The following CFH variants were observed in gnomAD, a reference collection of about 807,000 sequenced individuals.
The protein encoded by CFH is complement factor H.
CFH carries 53 observed loss-of-function variants against 147.3 expected under a neutral mutation model. The ratio of observed to expected loss-of-function variants is 0.36; its 90% CI spans 0.29 to 0.45. The LOEUF (loss-of-function observed/expected upper bound fraction) is 0.45, where lower values mean the gene tolerates loss of function less well. Ranked by LOEUF, CFH falls within the 20% of genes least tolerant of loss-of-function variation. The pLI, the probability that CFH is intolerant of heterozygous loss-of-function variation, is 1.00. For synonymous variants in CFH, 536 were observed against 489.4 expected (o/e 1.10, Z -1.26); for missense variants, 1,380 against 1,498.0 (o/e 0.92, Z 1.30).
In CFH at chr1:196,660,976, A is replaced by AT. The variant is rs546611994; in HGVS notation, c.58+8807dup. 2.9e-3 allele frequency among the ~76,000 whole-genome samples: 446 copies of AT among 152,190 alleles called. 2 individuals are homozygous for AT. Among genetic ancestry groups the AT allele is most frequent in the African/African-American group, 0.01 (427 of 41,540 alleles). On this transcript the variant is annotated intron_variant, in intron 1 of 21. Coordinates refer to ENST00000367429, the MANE Select transcript of CFH (RefSeq NM_000186.4). ...TGTTAATGGATTACTTTACTTATTT[A>AT]TTTTTTCCAATAACCTGAACATCAT...
At chr1:196,709,999 A>T (rs151084999) in intron 9 of CFH, among the ~76,000 whole-genome samples, 1 of 151,300 alleles carries the variant, frequency 6.6e-6, no homozygotes, top group Non-Finnish European at 1.5e-5. Context: ...ACAGAGCAAG[A>T]TCATCTTGCT....
At chr1:196,740,968 A>G in intron 18 of CFH, 176 bp downstream of exon 18, 1 of 653,566 alleles carries the variant, frequency 1.5e-6, no homozygotes, top group Non-Finnish European at 2.7e-6. Flanking sequence ...TTATAAGCCA[A>G]ATTAGTTCAT....
intron 15 of CFH, among the ~76,000 whole-genome samples, chr1:196,729,256 C>T (rs1669225262): frequency 6.6e-6 from 1 of 151,946 alleles, no homozygotes; most frequent in Admixed American, 6.6e-5. Context: ...CTTAAAGAAG[C>T]AAATAATATA....
chr1:196,675,878 T>A, intron 3 of CFH, 111 bp from the exon 4 acceptor site: 1 of 676,264 alleles, frequency 1.5e-6, no homozygotes, highest in East Asian at 2.7e-5. Context: ...AAAATGCATA[T>A]GCTGTTCATT....
chr1:196,687,750 A>T (rs1462945353), intron 7 of CFH, among the ~76,000 whole-genome samples: 1 of 152,114 alleles, frequency 6.6e-6, no homozygotes, highest in South Asian at 2.1e-4. Context: ...CCAAATCTTT[A>T]AAAAGTGGTG....
intron 3 of CFH, among the ~76,000 whole-genome samples, chr1:196,674,554 C>G (rs1037221437): frequency 5.3e-5 from 8 of 151,736 alleles, no homozygotes; most frequent in Admixed American, 4.6e-4. Flanking sequence ...TATTTTATCC[C>G]CCTTATTCTC....
intron 15 of CFH, among the ~76,000 whole-genome samples, chr1:196,732,675 G>A (rs192854044): frequency 4.7e-4 from 71 of 152,006 alleles, no homozygotes; most frequent in African/African-American, 1.5e-3. Context: ...GTCTTTGTGC[G>A]GACTGCTGTC....
chr1:196,672,929 A>T (rs1272342891), intron 1 of CFH, 49 bp from the exon 2 acceptor site: 11 of 1,480,636 alleles, frequency 7.4e-6, no homozygotes, highest in Non-Finnish European at 1.0e-5. Flanking sequence ...AATATACTGT[A>T]CATTTAAATA....
chr1:196,661,115 C>T, intron 1 of CFH, among the ~76,000 whole-genome samples: 1 of 151,974 alleles, frequency 6.6e-6, no homozygotes, highest in East Asian at 1.9e-4. Flanking sequence ...AGTATTAGCA[C>T]CATCTAGTGG....
rs201789844 is a variant in CFH at position 196,688,227 on chromosome 1, G to GA, written c.965-1188dup. ...ATCCCATGAAAAGAGCAAATTTTCTGAAAAATATATAAACCTGTTAATATA... is the reference window on the plus strand; with the variant it reads ...ATCCCATGAAAAGAGCAAATTTTCTGAAAAAATATATAAACCTGTTAATATA... On this transcript the variant is annotated intron_variant, in intron 7 of 21. Coordinates refer to ENST00000367429, the MANE Select transcript of CFH (RefSeq NM_000186.4). 5.3e-4 allele frequency among the ~76,000 whole-genome samples: 80 copies of GA among 151,936 alleles called. 2 individuals carry two copies. In the East Asian group the frequency reaches 0.015, roughly 29 times the overall value.
chr1:196,728,148 C>T (rs1360589892), intron 14 of CFH, among the ~76,000 whole-genome samples, 198 bp from the exon 15 acceptor site: 1 of 151,930 alleles, frequency 6.6e-6, no homozygotes, highest in Non-Finnish European at 1.5e-5. Flanking sequence ...AACATTTCAG[C>T]GACAGAATAC....
intron 9 of CFH, among the ~76,000 whole-genome samples, chr1:196,697,191 A>G (rs1230840881): frequency 6.6e-6 from 1 of 152,226 alleles, no homozygotes; most frequent in Admixed American, 6.5e-5. Context: ...TGCACAGCAA[A>G]AGAAACTACC....
At chr1:196,694,219 T>C (rs556925774) in intron 9 of CFH, among the ~76,000 whole-genome samples, 2 of 152,168 alleles carry the variant, frequency 1.3e-5, no homozygotes, top group South Asian at 4.2e-4. Context: ...TGTGTTCTCA[T>C]TGATCAACTC....
Position 196,737,398 on chromosome 1 carries a change from G to A in CFH, c.2597-77G>A, listed in dbSNP as rs571348834. On this transcript the variant is annotated intron_variant, in intron 16 of 21. Coordinates refer to ENST00000367429, the MANE Select transcript of CFH (RefSeq NM_000186.4). ...TCAAATTATACTCACTTTAAAATCC[G>A]AAATAGTATTTAGTTTTATATTTCA... 59 of 1,051,030 alleles carry A rather than the reference G, an allele frequency of 5.6e-5. No individual in the cohort carries two copies. The East Asian group carries it at 6.0e-4, about 11-fold the overall frequency. 65.1% of individuals were successfully genotyped at this position (1,051,030 alleles called of 1,614,324 possible).
In CFH at chr1:196,689,583, A is replaced by G. The variant is rs1238670690; in HGVS notation, c.1128A>G (p.Gln376=). Reference sequence around the variant, plus strand: ...ACTGGGATCACATTCATTGCACACAAGATGGATGGTCGCCAGCAGTACCAT... The same window carrying G: ...ACTGGGATCACATTCATTGCACACAGGATGGATGGTCGCCAGCAGTACCAT... The part of the protein sequence containing the change: ...GSYWDHIHCT[Q]DGWSPAVPCL... The change falls in exon 8 of 22, where the codon CAA becomes CAG. Residue 376 remains glutamine (Q), a synonymous_variant. Transcript: ENST00000367429. 3 of 1,613,562 alleles carry G rather than the reference A, an allele frequency of 1.9e-6. No individual in the cohort carries two copies. Among genetic ancestry groups the G allele is most frequent in the African/African-American group, 2.7e-5 (2 of 74,990 alleles).
At chr1:196,653,415 A>G (rs1410526875) in intron 1 of CFH, among the ~76,000 whole-genome samples, 1 of 151,858 alleles carries the variant, frequency 6.6e-6, no homozygotes, top group African/African-American at 2.4e-5. Flanking sequence ...AATATTACCT[A>G]TTGTAAAAGA....
intron 3 of CFH, among the ~76,000 whole-genome samples, chr1:196,675,718 A>G (rs192715337): frequency 2.0e-5 from 3 of 152,248 alleles, no homozygotes; most frequent in Admixed American, 1.3e-4. Context: ...AGAAGGAGAG[A>G]AAGATAAAGG....
intron 9 of CFH, among the ~76,000 whole-genome samples, chr1:196,696,458 G>A (rs1237873785): frequency 2.6e-5 from 4 of 152,136 alleles, no homozygotes; most frequent in African/African-American, 9.7e-5. Flanking sequence ...CACAGTTAAA[G>A]CAGTCTTTAG....
intron 9 of CFH, among the ~76,000 whole-genome samples, chr1:196,711,031 A>T (rs1668712417): frequency 6.6e-6 from 1 of 152,062 alleles, no homozygotes; most frequent in South Asian, 2.1e-4. Flanking sequence ...TAAAAACCAT[A>T]ATGATGTCAT....
Sources: allele counts gnomAD v4.1 joint callset (sites outside exome capture counted in the v4.1 genomes callset), GRCh38; gene constraint gnomAD v4.1.1; transcripts MANE v1.5; gene names NCBI Gene and HGNC (gene_info 2026-07-23, HGNC 2026-07-21).